MOSPD2: variants seen among roughly 807,000 people sequenced by gnomAD.
MOSPD2 encodes the protein motile sperm domain-containing protein 2.
A neutral mutation model predicts 41.7 loss-of-function variants in MOSPD2; 5 were observed. The observed-to-expected ratio is 0.12, with a 90% CI of 0.06 to 0.25. MOSPD2 has a LOEUF of 0.25. Among genes scored for constraint, MOSPD2 ranks in the 10% least tolerant of loss-of-function variants. The probability of loss-of-function intolerance (pLI) is 1.00; values close to 1 mark genes in which losing one functional copy is unlikely to be tolerated. For missense variants in MOSPD2, 282 were observed against 375.2 expected (o/e 0.75, Z 2.05); for synonymous variants, 115 against 126.9 (o/e 0.91, Z 0.63).
intron 2 of MOSPD2, among the ~76,000 whole-genome samples, chrX:14,877,350 C>CT (rs1223963365): frequency 9.1e-6 from 1 of 110,374 alleles, no homozygotes; most frequent in East Asian, 2.9e-4. Context: ...AGTCTTTTTT[C>CT]TTTTTTTTCG....
chrX:14,911,705 T>A (rs1163778494), intron 9 of MOSPD2, among the ~76,000 whole-genome samples: 1 of 111,472 alleles, frequency 9.0e-6, no homozygotes, highest in Non-Finnish European at 1.9e-5. Context: ...CCGAGCAACA[T>A]AGGGAGGCCC....
chrX:14,907,173 G>A (rs763015414), intron 7 of MOSPD2, among the ~76,000 whole-genome samples: 3 of 112,610 alleles, frequency 2.7e-5, no homozygotes, highest in Non-Finnish European at 5.6e-5. Flanking sequence ...AGTGAGGTGT[G>A]ATTTCACACC....
intron 1 of MOSPD2, 21 bp downstream of exon 1, chrX:14,873,558 C>T (rs754971738): frequency 8.3e-7 from 1 of 1,211,773 alleles, no homozygotes; most frequent in South Asian, 1.8e-5. Flanking sequence ...TATTGCACCG[C>T]CGCTGGCCCC....
At position 14,919,798 on chromosome X, in the gene MOSPD2, T is replaced by C; in HGVS notation, c.1546T>C (p.Leu516=). 8.3e-7 allele frequency: 1 copy of C among 1,207,103 alleles called. No homozygotes were observed. Among genetic ancestry groups the C allele is most frequent in the Non-Finnish European group, 1.1e-6 (1 of 893,562 alleles). Residue 516 remains leucine (L), a synonymous_variant, in exon 15 of 15, where the codon TTG becomes CTG. Transcript: ENST00000380492. ...TTTTGTCACCTCTTTCTTCTATTTA[T>C]TGTACAGTTAAAGAAGTGGTGCCGG... The part of the protein sequence containing the change: ...LAFVTSFFYL[L]YS
At chrX:14,890,210 A>G (rs1393087557) in intron 2 of MOSPD2, among the ~76,000 whole-genome samples, 1 of 111,083 alleles carries the variant, frequency 9.0e-6, no homozygotes, top group African/African-American at 3.3e-5. Context: ...AAAAAAAGAC[A>G]ATTTTATTTT....
chrX:14,884,717 G>T lies in MOSPD2; in HGVS notation c.80-8006G>T, dbSNP rs1318903759. Among the ~76,000 whole-genome samples the T allele has an allele frequency of 4.5e-5, 5 of 111,302 alleles. No individual in the cohort carries two copies. The East Asian group carries it at 1.4e-3, about 31-fold the overall frequency. On this transcript the variant is annotated intron_variant, in intron 2 of 14. Coordinates refer to ENST00000380492, the MANE Select transcript of MOSPD2 (RefSeq NM_152581.4). ...AACCTAAAATAAATTAATGTAGAAA[G>T]GTTGAAAATAGATGGAAAAAGATAT...
Position 14,908,972 on chromosome X carries a change from C to T in MOSPD2, c.690C>T (p.His230=). 1 of 1,156,017 alleles carries T rather than the reference C, an allele frequency of 8.7e-7. No homozygotes were observed. Among genetic ancestry groups the T allele is most frequent in the Non-Finnish European group, 1.2e-6 (1 of 858,858 alleles). The change falls in exon 8 of 15, where the codon CAC becomes CAT. Residue 230 remains histidine (H), a synonymous_variant. Transcript: ENST00000380492. ...DYVSVEYLPP[H]MGGTDPFKYS... is the part of the protein sequence containing the mutation. ...TCAGTGTAGAATACCTGCCTCCCCA[C>T]ATGGGTGGAACTGTAAGTATTTGAA...
intron 2 of MOSPD2, among the ~76,000 whole-genome samples, chrX:14,883,882 A>T (rs1376591443): frequency 2.7e-5 from 3 of 112,160 alleles, no homozygotes; most frequent in African/African-American, 9.7e-5. Context: ...CAGATTAAAG[A>T]ACCATAAGAA....
At chrX:14,887,877 GTTCT>G (rs1410544345) in intron 2 of MOSPD2, among the ~76,000 whole-genome samples, 1 of 110,355 alleles carries the variant, frequency 9.1e-6, no homozygotes, top group Non-Finnish European at 1.9e-5. Context: ...TGTATCTTTA[GTTCT>G]TTCTCTCCCA....
intron 2 of MOSPD2, among the ~76,000 whole-genome samples, chrX:14,891,989 C>G (rs1045831837): frequency 3.6e-5 from 4 of 112,134 alleles, no homozygotes; most frequent in African/African-American, 1.3e-4. Flanking sequence ...GTTCAGATAA[C>G]ATAATTAATC....
At chrX:14,902,425 C>A (rs1204972959) in intron 6 of MOSPD2, among the ~76,000 whole-genome samples, 1 of 111,387 alleles carries the variant, frequency 9.0e-6, no homozygotes, top group East Asian at 2.8e-4. Flanking sequence ...TTATTAGCTT[C>A]CTGGAGCTCA....
At chrX:14,909,923 CTTGAT>C (rs1201089664) in intron 8 of MOSPD2, among the ~76,000 whole-genome samples, 43 of 110,922 alleles carry the variant, frequency 3.9e-4, no homozygotes, top group Non-Finnish European at 6.8e-4. Context: ...AGGTGCTATG[CTTGAT>C]TTAAAATGTG....
intron 5 of MOSPD2, among the ~76,000 whole-genome samples, chrX:14,897,683 A>G (rs148655276): frequency 1.7e-3 from 186 of 112,496 alleles, no homozygotes; most frequent in African/African-American, 5.6e-3. Context: ...AGATGTTCAC[A>G]TGAGTTTTGC....
intron 11 of MOSPD2, 102 bp downstream of exon 11, chrX:14,914,701 A>G: frequency 2.0e-6 from 1 of 488,597 alleles, no homozygotes; most frequent in Non-Finnish European, 3.3e-6. Context: ...GAACTTGTAC[A>G]GTGTTTTTAT....
At chrX:14,913,786 A>G in intron 10 of MOSPD2, among the ~76,000 whole-genome samples, 1 of 112,295 alleles carries the variant, frequency 8.9e-6, no homozygotes, top group East Asian at 2.8e-4. Context: ...CAAAAACACT[A>G]TTCTTCCCAT....
At chrX:14,887,850 A>C (rs2092544769) in intron 2 of MOSPD2, among the ~76,000 whole-genome samples, 1 of 111,098 alleles carries the variant, frequency 9.0e-6, no homozygotes, top group Non-Finnish European at 1.9e-5. Context: ...GTTCCTAGAG[A>C]CATATCACCA....
chrX:14,893,101 CAG>C (rs2092556951), intron 3 of MOSPD2: 2 of 278,654 alleles, frequency 7.2e-6, no homozygotes, highest in Non-Finnish European at 1.3e-5. Context: ...GAATCACACT[CAG>C]ATTCTTCATT....
chrX:14,915,102 C>T (rs764191646), intron 11 of MOSPD2, among the ~76,000 whole-genome samples: 2 of 111,758 alleles, frequency 1.8e-5, no homozygotes, highest in Admixed American at 1.9e-4. Context: ...TTAGATGTAA[C>T]TACCAGGATG....
chrX:14,901,495 T>G (rs2092573102), intron 6 of MOSPD2, among the ~76,000 whole-genome samples: 1 of 111,491 alleles, frequency 9.0e-6, no homozygotes, highest in Non-Finnish European at 1.9e-5. Context: ...AATTTTATTG[T>G]TAATGTGAAG....
Sources: allele counts gnomAD v4.1 joint callset (sites outside exome capture counted in the v4.1 genomes callset), GRCh38; gene constraint gnomAD v4.1.1; transcripts MANE v1.5; gene names NCBI Gene and HGNC (gene_info 2026-07-23, HGNC 2026-07-21).